MALRD1: variants seen among roughly 807,000 people sequenced by gnomAD.
The protein encoded by MALRD1 is MAM and LDL-receptor class A domain-containing protein 1.
MALRD1 carries 247 observed loss-of-function variants against 242.1 expected under a neutral mutation model. The observed-to-expected ratio is 1.02, with a 90% CI of 0.92 to 1.13. The LOEUF (loss-of-function observed/expected upper bound fraction) is 1.13, where lower values mean the gene tolerates loss of function less well. MALRD1 is among the 50% of genes most tolerant of loss of function. The probability of loss-of-function intolerance (pLI) is 0.00; values close to 1 mark genes in which losing one functional copy is unlikely to be tolerated. For missense variants in MALRD1, 2,989 were observed against 2,533.1 expected, an observed-to-expected ratio of 1.18 and a Z score of -3.86; for synonymous variants, 995 against 866.6, an observed-to-expected ratio of 1.15 and a Z score of -2.60.
chr10:19,529,851 A>C (rs11816888), intron 31 of MALRD1, among the ~76,000 whole-genome samples: 14,669 of 152,058 alleles, frequency 0.096, 2,131 homozygotes, highest in African/African-American at 0.31. Context: ...GGAAGATTAC[A>C]GGAATAAAAA....
At chr10:19,640,731 T>C (rs1034198236) in intron 36 of MALRD1, among the ~76,000 whole-genome samples, 1 of 152,180 alleles carries the variant, frequency 6.6e-6, no homozygotes, top group African/African-American at 2.4e-5. Context: ...TAAAATTTCA[T>C]TTTTTGAACT....
chr10:19,369,858 G>A (rs903585153), intron 26 of MALRD1, among the ~76,000 whole-genome samples: 4 of 151,758 alleles, frequency 2.6e-5, no homozygotes, highest in Admixed American at 6.6e-5. Flanking sequence ...TTCATTAAGT[G>A]TCCTATTTAT....
chr10:19,050,837 T>C (rs1477713020), intron 1 of MALRD1, among the ~76,000 whole-genome samples: 1 of 152,162 alleles, frequency 6.6e-6, no homozygotes, highest in Non-Finnish European at 1.5e-5. Context: ...TGAAGCTTCC[T>C]TCAGTACCCT....
At chr10:19,203,985 G>A in intron 15 of MALRD1, 105 bp downstream of exon 15, 1 of 1,331,222 alleles carries the variant, frequency 7.5e-7, no homozygotes, top group Non-Finnish European at 1.1e-6. Context: ...ACAACAAACA[G>A]TCAGATAGTT....
At chr10:19,477,512 G>A (rs1418193074) in intron 29 of MALRD1, among the ~76,000 whole-genome samples, 1 of 152,094 alleles carries the variant, frequency 6.6e-6, no homozygotes, top group Non-Finnish European at 1.5e-5. Flanking sequence ...GACTTGCTTG[G>A]TCATGAAGTG....
rs774648514 is a variant in MALRD1 at position 19,389,579 on chromosome 10, G to A, written c.4815G>A (p.Lys1605=). The A allele has an allele frequency of 3.9e-6, 6 of 1,550,644 alleles. No individual in the cohort carries two copies. Among genetic ancestry groups the A allele is most frequent in the South Asian group, 2.4e-5 (2 of 84,052 alleles). Reference sequence around the variant, plus strand: ...GCTTCTGGTATTTCGTATCTGCAAAGGCCACAGGATCCATTCAGATTCTCA... The same window carrying A: ...GCTTCTGGTATTTCGTATCTGCAAAAGCCACAGGATCCATTCAGATTCTCA... ...TMSFWYFVSA[K]ATGSIQILIK... is the part of the protein sequence containing the mutation. Residue 1605 remains lysine, a synonymous_variant, in exon 28 of 40, where the codon AAG becomes AAA. Transcript: ENST00000454679.
chr10:19,540,351 GT>G (rs35821843), intron 32 of MALRD1, among the ~76,000 whole-genome samples: 132,488 of 152,098 alleles, frequency 0.87, 57,737 homozygotes, highest in African/African-American at 0.89. Flanking sequence ...CTGGGATGTG[GT>G]TGCAAAGACA....
intron 35 of MALRD1, among the ~76,000 whole-genome samples, chr10:19,608,999 C>A (rs538825518): frequency 4.6e-5 from 7 of 152,168 alleles, no homozygotes; most frequent in Non-Finnish European, 1.0e-4. Context: ...AGTATTTATG[C>A]CAGACCCAAA....
chr10:19,327,420 A>T, intron 22 of MALRD1, 143 bp from the exon 23 acceptor site: 1 of 592,502 alleles, frequency 1.7e-6, no homozygotes, highest in Non-Finnish European at 2.9e-6. Flanking sequence ...AAGATATCTA[A>T]TAAAAAATAT....
chr10:19,695,216 A>G (rs1173865615), intron 38 of MALRD1, among the ~76,000 whole-genome samples: 4 of 152,178 alleles, frequency 2.6e-5, no homozygotes, highest in Admixed American at 2.6e-4. Flanking sequence ...AACTTAAAGT[A>G]TAATAAAAAC....
intron 26 of MALRD1, among the ~76,000 whole-genome samples, chr10:19,372,153 A>G (rs192219985): frequency 3.3e-5 from 5 of 152,340 alleles, no homozygotes; most frequent in African/African-American, 1.2e-4. Flanking sequence ...GAACTTAAAT[A>G]TAACATACTA....
intron 32 of MALRD1, among the ~76,000 whole-genome samples, chr10:19,557,819 G>A (rs1160487770): frequency 6.6e-6 from 1 of 151,958 alleles, no homozygotes; most frequent in African/African-American, 2.4e-5. Flanking sequence ...TAACTTGCTA[G>A]GACTTTGACT....
At chr10:19,442,329 T>G (rs1834711914) in intron 28 of MALRD1, among the ~76,000 whole-genome samples, 1 of 152,150 alleles carries the variant, frequency 6.6e-6, no homozygotes, top group Admixed American at 6.5e-5. Flanking sequence ...CTTTATTTCT[T>G]TCTCCTGTCT....
At chr10:19,692,664 T>C (rs975102111) in intron 38 of MALRD1, 110 bp downstream of exon 38, 2 of 798,152 alleles carry the variant, frequency 2.5e-6, no homozygotes, top group Admixed American at 2.8e-5. Flanking sequence ...CAGGAAACTT[T>C]AGTGTTTTGC....
chr10:19,560,345 G>A (rs1835907260), intron 32 of MALRD1, among the ~76,000 whole-genome samples: 1 of 152,132 alleles, frequency 6.6e-6, no homozygotes, highest in Non-Finnish European at 1.5e-5. Context: ...TCAGGCACCT[G>A]TAGTCCCAGC....
At chr10:19,444,178 C>T (rs1162580465) in intron 28 of MALRD1, among the ~76,000 whole-genome samples, 1 of 152,030 alleles carries the variant, frequency 6.6e-6, no homozygotes, top group African/African-American at 2.4e-5. Flanking sequence ...TTCCTCCATC[C>T]CTTTATTTTG....
At chr10:19,087,374 C>A (rs762987870) in intron 2 of MALRD1, among the ~76,000 whole-genome samples, 6 of 151,700 alleles carry the variant, frequency 4.0e-5, no homozygotes, top group Non-Finnish European at 7.4e-5. Context: ...TGTCACTGGG[C>A]AACATAAGGA....
At chr10:19,206,335 A>T (rs1180315697) in intron 17 of MALRD1, among the ~76,000 whole-genome samples, 7 of 152,074 alleles carry the variant, frequency 4.6e-5, no homozygotes, top group Admixed American at 2.0e-4. Flanking sequence ...CATGCATCTC[A>T]TGAAATTTAC....
At chr10:19,218,708 T>C (rs778507183) in intron 18 of MALRD1, among the ~76,000 whole-genome samples, 17 of 152,076 alleles carry the variant, frequency 1.1e-4, no homozygotes, top group Admixed American at 5.9e-4. Flanking sequence ...TACAGGTATT[T>C]AAGAAAAAAG....
Sources: allele counts gnomAD v4.1 joint callset (sites outside exome capture counted in the v4.1 genomes callset), GRCh38; gene constraint gnomAD v4.1.1; transcripts MANE v1.5; gene names NCBI Gene and HGNC (gene_info 2026-07-23, HGNC 2026-07-21).